CNTN5: variants seen among roughly 807,000 people sequenced by gnomAD.
The protein encoded by CNTN5 is contactin-5.
Under a neutral mutation model 129.1 loss-of-function variants are expected in CNTN5, and 77 were observed. The observed-to-expected ratio is 0.60, with a 90% CI of 0.50 to 0.72. The LOEUF (loss-of-function observed/expected upper bound fraction) is 0.72. Ranked by LOEUF, CNTN5 falls within the 30% of genes least tolerant of loss-of-function variation. The probability of loss-of-function intolerance (pLI) is 0.00; values close to 1 mark genes in which losing one functional copy is unlikely to be tolerated. For synonymous variants in CNTN5, 509 were observed against 465.6 expected, an observed-to-expected ratio of 1.09 and a Z score of -1.20; for missense variants, 1,478 against 1,328.8, an observed-to-expected ratio of 1.11 and a Z score of -1.75.
At chr11:99,315,389 G>A (rs1204603303) in intron 1 of CNTN5, among the ~76,000 whole-genome samples, 1 of 149,418 alleles carries the variant, frequency 6.7e-6, no homozygotes, top group African/African-American at 2.4e-5. Context: ...GGGCAAGATG[G>A]AATTAGAGAA....
intron 2 of CNTN5, among the ~76,000 whole-genome samples, chr11:99,555,431 A>G (rs1422141383): frequency 6.6e-6 from 1 of 151,890 alleles, no homozygotes; most frequent in African/African-American, 2.4e-5. Context: ...TATTCTTTTC[A>G]TGTTTATTGT....
intron 1 of CNTN5, among the ~76,000 whole-genome samples, chr11:99,213,887 C>T (rs1859969083): frequency 6.6e-6 from 1 of 152,000 alleles, no homozygotes; most frequent in African/African-American, 2.4e-5. Flanking sequence ...TGAGAATAAA[C>T]AAGTACAGTG....
intron 1 of CNTN5, among the ~76,000 whole-genome samples, chr11:99,266,248 G>A (rs749384358): frequency 6.6e-6 from 1 of 152,028 alleles, no homozygotes; most frequent in Non-Finnish European, 1.5e-5. Flanking sequence ...TATAACATCT[G>A]TTTACTTAGC....
At chr11:99,473,911 C>A (rs1591122587) in intron 2 of CNTN5, among the ~76,000 whole-genome samples, 1 of 151,998 alleles carries the variant, frequency 6.6e-6, no homozygotes, top group African/African-American at 2.4e-5. Context: ...GCCACACTGG[C>A]TAGAGTGTCA....
chr11:99,187,345 G>T (rs1036415391), intron 1 of CNTN5, among the ~76,000 whole-genome samples: 1 of 151,546 alleles, frequency 6.6e-6, no homozygotes, highest in Non-Finnish European at 1.5e-5. Context: ...GTATAACCCT[G>T]CCCATCTACT....
intron 2 of CNTN5, among the ~76,000 whole-genome samples, chr11:99,453,327 T>C (rs1338904218): frequency 6.6e-6 from 1 of 152,150 alleles, no homozygotes; most frequent in African/African-American, 2.4e-5. Context: ...AAAAAACTTG[T>C]AGAGAAAGTT....
At chr11:99,271,025 A>C (rs1863145002) in intron 1 of CNTN5, among the ~76,000 whole-genome samples, 1 of 151,978 alleles carries the variant, frequency 6.6e-6, no homozygotes, top group Non-Finnish European at 1.5e-5. Context: ...CAGAGTGTAG[A>C]GCTGTGTTTG....
intron 6 of CNTN5, among the ~76,000 whole-genome samples, chr11:99,845,707 G>A (rs185906753): frequency 1.8e-4 from 27 of 152,178 alleles, no homozygotes; most frequent in African/African-American, 6.0e-4. Flanking sequence ...TAAAAGATTT[G>A]CTGTCCTCAA....
At chr11:100,047,781 C>T (rs1942760230) in intron 9 of CNTN5, among the ~76,000 whole-genome samples, 1 of 151,962 alleles carries the variant, frequency 6.6e-6, no homozygotes, top group African/African-American at 2.4e-5. Flanking sequence ...GAAGATTTAC[C>T]CTCATCAGTG....
At chr11:99,189,597 G>C (rs950634690) in intron 1 of CNTN5, among the ~76,000 whole-genome samples, 1 of 151,504 alleles carries the variant, frequency 6.6e-6, no homozygotes, top group African/African-American at 2.4e-5. Context: ...GTTAAGTGAC[G>C]TGGTGGTGTT....
intron 4 of CNTN5, among the ~76,000 whole-genome samples, chr11:99,834,299 T>G (rs1469225133): frequency 1.3e-5 from 2 of 152,174 alleles, no homozygotes; most frequent in African/African-American, 4.8e-5. Flanking sequence ...GAACAAAAAC[T>G]CTTGATTGCT....
At chr11:99,214,199 A>G (rs1363996576) in intron 1 of CNTN5, among the ~76,000 whole-genome samples, 1 of 151,988 alleles carries the variant, frequency 6.6e-6, no homozygotes, top group Non-Finnish European at 1.5e-5. Flanking sequence ...AGTCAGATGA[A>G]GAAGGGGAAA....
At chr11:99,422,577 A>T (rs546992381) in intron 2 of CNTN5, among the ~76,000 whole-genome samples, 172 of 143,194 alleles carry the variant, frequency 1.2e-3, no homozygotes, top group African/African-American at 4.2e-3. Context: ...TTTTAATTAT[A>T]CTTTAAGTTC....
intron 2 of CNTN5, among the ~76,000 whole-genome samples, chr11:99,379,978 T>A (rs375852061): frequency 2.0e-5 from 3 of 152,196 alleles, no homozygotes; most frequent in East Asian, 3.9e-4. Flanking sequence ...TATACACATA[T>A]AATGTGTATA....
rs115241817 is a variant in CNTN5, at chr11:100,315,713, A to C, written c.2730+7245A>C. On this transcript the variant is annotated intron_variant, in intron 21 of 24. Coordinates refer to ENST00000524871, the MANE Select transcript of CNTN5 (RefSeq NM_014361.4). ...AAGAAAAAAAAATATGAAATTCCAA[A>C]TGTAGACATTAATCCATCTATTTGT... 9.6e-3 allele frequency among the ~76,000 whole-genome samples: 1,456 copies of C among 152,316 alleles called. 22 individuals carry two copies. Among genetic ancestry groups the C allele is most frequent in the African/African-American group, 0.033 (1,379 of 41,570 alleles).
chr11:100,125,385 G>A (rs1231615700), intron 13 of CNTN5, among the ~76,000 whole-genome samples: 2 of 151,886 alleles, frequency 1.3e-5, no homozygotes, highest in African/African-American at 2.4e-5. Context: ...TGTACTCATC[G>A]TTCAGTTGCC....
intron 3 of CNTN5, among the ~76,000 whole-genome samples, chr11:99,601,190 G>A (rs563398790): frequency 6.6e-6 from 1 of 152,220 alleles, no homozygotes; most frequent in African/African-American, 2.4e-5. Context: ...TACAACAAAT[G>A]TGACTTTATT....
chr11:99,467,157 T>A (rs1262445334), intron 2 of CNTN5, among the ~76,000 whole-genome samples: 1 of 152,176 alleles, frequency 6.6e-6, no homozygotes, highest in African/African-American at 2.4e-5. Context: ...TGTTTTTTTA[T>A]GTTTAAAACA....
chr11:100,093,468 T>C (rs1273047076), intron 13 of CNTN5, among the ~76,000 whole-genome samples: 1 of 151,948 alleles, frequency 6.6e-6, no homozygotes, highest in Non-Finnish European at 1.5e-5. Flanking sequence ...GGTCTTGCTA[T>C]GTTTCTCAAA....
Sources: gnomAD v4.1 joint callset for allele counts (sites outside exome capture counted in the v4.1 genomes callset) on GRCh38, gnomAD v4.1.1 for gene constraint, MANE v1.5 for transcripts, NCBI Gene and HGNC (gene_info 2026-07-23, HGNC 2026-07-21) for gene names.